The following PTPRD variants were observed in gnomAD, a reference collection of about 807,000 sequenced individuals.
PTPRD encodes protein tyrosine phosphatase receptor type D.
A neutral mutation model predicts 214.5 loss-of-function variants in PTPRD; 34 were observed. The observed-to-expected ratio is 0.16, with a 90% CI of 0.12 to 0.21. The LOEUF is 0.21. PTPRD is among the 10% of genes least tolerant of loss of function. The pLI is 1.00. For synonymous variants in PTPRD, 1,128 were observed against 845.7 expected, an observed-to-expected ratio of 1.33 and a Z score of -5.79; for missense variants, 2,545 against 2,398.7, an observed-to-expected ratio of 1.06 and a Z score of -1.27.
intron 11 of PTPRD, among the ~76,000 whole-genome samples, chr9:8,975,079 A>G (rs1433613399): frequency 6.9e-6 from 1 of 145,800 alleles, no homozygotes; most frequent in Non-Finnish European, 1.5e-5. Flanking sequence ...CCTGGGTGAC[A>G]AGAGCAAAAC....
chr9:10,286,050 T>A (rs951258787), intron 3 of PTPRD, among the ~76,000 whole-genome samples: 2 of 152,130 alleles, frequency 1.3e-5, no homozygotes, highest in African/African-American at 4.8e-5. Context: ...AGGGTATATA[T>A]GTGTATGTAT....
intron 7 of PTPRD, among the ~76,000 whole-genome samples, chr9:9,701,169 A>G (rs887895160): frequency 3.9e-5 from 6 of 152,150 alleles, no homozygotes; most frequent in African/African-American, 1.4e-4. Flanking sequence ...GAGCTTAGGA[A>G]TTTGGCATAG....
chr9:9,338,954 A>G (rs889821027), intron 9 of PTPRD, among the ~76,000 whole-genome samples: 1 of 152,134 alleles, frequency 6.6e-6, no homozygotes, highest in Non-Finnish European at 1.5e-5. Context: ...AAAATGTTAC[A>G]TGAGAAAAAT....
At chr9:9,934,880 G>A (rs946943847) in intron 5 of PTPRD, among the ~76,000 whole-genome samples, 2 of 152,088 alleles carry the variant, frequency 1.3e-5, no homozygotes, top group Non-Finnish European at 2.9e-5. Context: ...TATCAACCAT[G>A]ATCAAGAGGG....
intron 11 of PTPRD, among the ~76,000 whole-genome samples, chr9:8,891,340 G>C (rs2098538256): frequency 6.6e-6 from 1 of 151,814 alleles, no homozygotes; most frequent in Admixed American, 6.6e-5. Context: ...CACCGTGTTA[G>C]CCAGGATGGT....
chr9:8,768,243 A>G (rs193117666), intron 11 of PTPRD, among the ~76,000 whole-genome samples: 2 of 152,182 alleles, frequency 1.3e-5, no homozygotes, highest in South Asian at 4.1e-4. Context: ...TAAAAAAATT[A>G]AAAAATAAAA....
chr9:9,984,113 C>CA (rs1183965355), intron 4 of PTPRD, among the ~76,000 whole-genome samples: 4 of 151,668 alleles, frequency 2.6e-5, no homozygotes, highest in African/African-American at 7.3e-5. Flanking sequence ...ATGATTATTA[C>CA]AAAAAATTTT....
chr9:10,343,077 A>G (rs2096974677), intron 2 of PTPRD, among the ~76,000 whole-genome samples: 1 of 152,138 alleles, frequency 6.6e-6, no homozygotes, highest in African/African-American at 2.4e-5. Flanking sequence ...TGTTGCACAC[A>G]TCAATTCCTC....
intron 3 of PTPRD, among the ~76,000 whole-genome samples, chr9:10,164,436 C>A (rs1040146753): frequency 6.6e-6 from 1 of 151,406 alleles, no homozygotes; most frequent in Non-Finnish European, 1.5e-5. Context: ...CGATGCATTA[C>A]AGCCAATGTC....
At chr9:9,665,127 A>C (rs2154382562) in intron 7 of PTPRD, among the ~76,000 whole-genome samples, 1 of 151,692 alleles carries the variant, frequency 6.6e-6, no homozygotes, top group East Asian at 1.9e-4. Flanking sequence ...ATGTGGGGAG[A>C]GAGAGAGGGG....
At chr9:8,769,010 G>A (rs1362236841) in intron 11 of PTPRD, among the ~76,000 whole-genome samples, 1 of 152,124 alleles carries the variant, frequency 6.6e-6, no homozygotes, top group Non-Finnish European at 1.5e-5. Context: ...GGAGGCACAG[G>A]GGAGGTGTTT....
chr9:9,920,024 G>T (rs1473434635), intron 5 of PTPRD, among the ~76,000 whole-genome samples: 1 of 151,878 alleles, frequency 6.6e-6, no homozygotes, highest in Non-Finnish European at 1.5e-5. Context: ...TTTTCTTGAG[G>T]TTACAATAAA....
intron 7 of PTPRD, among the ~76,000 whole-genome samples, chr9:9,576,215 C>T (rs864352): frequency 6.6e-6 from 1 of 152,028 alleles, no homozygotes; most frequent in Admixed American, 6.6e-5. Context: ...TCATTTATTT[C>T]ATGAAGGAAT....
chr9:10,150,574 T>C (rs73394278), intron 3 of PTPRD, among the ~76,000 whole-genome samples: 7,244 of 151,802 alleles, frequency 0.048, 219 homozygotes, highest in African/African-American at 0.086. Flanking sequence ...GACCAGTTAA[T>C]GTGCAGCACA....
At chr9:10,352,093 C>T (rs1597825653) in intron 2 of PTPRD, among the ~76,000 whole-genome samples, 1 of 152,102 alleles carries the variant, frequency 6.6e-6, no homozygotes, top group South Asian at 2.1e-4. Context: ...CTGGACTCTG[C>T]TTGTAGTTCT....
At chr9:8,587,366 A>T (rs915450463) in intron 14 of PTPRD, among the ~76,000 whole-genome samples, 1 of 152,226 alleles carries the variant, frequency 6.6e-6, no homozygotes, top group African/African-American at 2.4e-5. Context: ...GTAACAGTAC[A>T]AAAATCAGCA....
intron 9 of PTPRD, among the ~76,000 whole-genome samples, chr9:9,269,205 C>T (rs751838473): frequency 6.6e-6 from 1 of 151,210 alleles, no homozygotes; most frequent in Non-Finnish European, 1.5e-5. Flanking sequence ...TATCAAAGAA[C>T]CTGAACAGAC....
chr9:8,741,867 G>A (rs994938965), intron 11 of PTPRD, among the ~76,000 whole-genome samples: 2 of 151,774 alleles, frequency 1.3e-5, no homozygotes, highest in African/African-American at 4.8e-5. Flanking sequence ...GGGATTACAG[G>A]CGTGAGCCAC....
intron 10 of PTPRD, among the ~76,000 whole-genome samples, chr9:9,092,029 A>G (rs943277934): frequency 1.3e-5 from 2 of 152,178 alleles, no homozygotes; most frequent in African/African-American, 4.8e-5. Flanking sequence ...CTCCAGAGAG[A>G]AAGTCATGCC....
Sources: gnomAD v4.1 joint callset for allele counts (sites outside exome capture counted in the v4.1 genomes callset) on GRCh38, gnomAD v4.1.1 for gene constraint, MANE v1.5 for transcripts, NCBI Gene and HGNC (gene_info 2026-07-23, HGNC 2026-07-21) for gene names.